MTMR3: variants seen among roughly 807,000 people sequenced by gnomAD.
MTMR3 encodes the protein myotubularin related protein 3, also known as phosphatidylinositol-3,5-bisphosphate 3-phosphatase MTMR3.
MTMR3 carries 32 observed loss-of-function variants against 132.4 expected under a neutral mutation model. The ratio of observed to expected loss-of-function variants is 0.24; its 90% confidence interval spans 0.18 to 0.32. The LOEUF (loss-of-function observed/expected upper bound fraction) is 0.32, where lower values mean the gene tolerates loss of function less well. MTMR3 is among the 10% of genes least tolerant of loss of function. The pLI, the probability that MTMR3 is intolerant of heterozygous loss-of-function variation, is 1.00. For synonymous variants in MTMR3, 556 were observed against 550.3 expected (o/e 1.01, Z -0.14); for missense variants, 1,216 against 1,489.6 (o/e 0.82, Z 3.02).
At chr22:29,949,126 CACACA>C (rs2066010087) in intron 1 of MTMR3, among the ~76,000 whole-genome samples, 1 of 40,134 alleles carries the variant, frequency 2.5e-5, no homozygotes, top group African/African-American at 1.2e-4. Context: ...CACACACACA[CACACA>C]CACACACACA....
rs921938936 is a variant in MTMR3, at chr22:29,949,141, A to C, written c.-137-7895A>C. The stretch of plus-strand genomic sequence containing the variant: ...CACACACACACACACACACACACAC[A>C]CACCCCCCCCCCCCCCCCCGAGGCC... On this transcript the variant is annotated intron_variant, in intron 1 of 19. Transcript: ENST00000401950. 2.4e-3 allele frequency among the ~76,000 whole-genome samples: 42 copies of C among 17,404 alleles called. 2 individuals carry two copies. Among genetic ancestry groups the C allele is most frequent in the African/African-American group, 0.011 (34 of 3,108 alleles). 11.4% of individuals were successfully genotyped at this position (17,404 alleles called of 152,430 possible).
intron 1 of MTMR3, among the ~76,000 whole-genome samples, chr22:29,905,746 G>C (rs768176675): frequency 3.3e-5 from 5 of 152,070 alleles, no homozygotes; most frequent in Non-Finnish European, 7.4e-5. Context: ...TTTTGAACTT[G>C]CATCTTTTAT....
Position 30,013,453 on chromosome 22 carries a change from G to A in MTMR3, c.1415G>A (p.Arg472His), listed in dbSNP as rs1463120267. ...GAGAACTCGGATGATCTGAATGAAC[G>A]TTGCCCAGTGTTTCTGCAGTGGCTT... ...HGENSDDLNE[R>H]CPVFLQWLDC... The change falls in exon 14 of 20, where the codon CGT (arginine) becomes CAT (histidine). Residue 472 changes from arginine to histidine, a missense_variant. Physicochemically the swap from Arg to His is conservative, Grantham distance 29. Around this residue, in one of 7 missense-constraint regions of MTMR3, gnomAD observed 106 missense variants for 209.5 expected, o/e 0.51. Coordinates refer to ENST00000401950, the MANE Select transcript of MTMR3 (RefSeq NM_021090.4). The A allele has an allele frequency of 6.2e-7, 1 of 1,613,990 alleles. No homozygotes were observed. The highest frequency in any genetic ancestry group is 1.7e-5 in the Admixed American group (1 of 60,008).
chr22:30,002,769 C>A, intron 8 of MTMR3, 111 bp from the exon 9 acceptor site: 1 of 765,858 alleles, frequency 1.3e-6, no homozygotes, highest in Admixed American at 2.5e-5. Flanking sequence ...GGTTCTGTGG[C>A]AGTGAGATCA....
intron 18 of MTMR3, chr22:30,022,394 T>TC: frequency 1.6e-6 from 1 of 612,918 alleles, no homozygotes; most frequent in Non-Finnish European, 2.9e-6. Context: ...TGACCCAGGG[T>TC]GCTGCTGCCT....
chr22:30,004,663 G>A (rs1262043669), intron 9 of MTMR3: 5 of 152,154 alleles, frequency 3.3e-5, no homozygotes, highest in African/African-American at 7.2e-5. Context: ...TGCAAAATCA[G>A]GCAGGTTTCC....
At position 29,957,723 on chromosome 22, in the gene MTMR3, A is replaced by G. The variant is rs1602564528; in HGVS notation, c.-85+635A>G. On this transcript the variant is annotated intron_variant, in intron 2 of 19. Transcript: ENST00000401950. ...TTGTTTTGAGTTTTCTTAAATTGGT[A>G]TATATCTATATGAAAAATAAGACCT... is the stretch of plus-strand genomic sequence containing the variant. Among the ~76,000 whole-genome samples, 3 of 152,082 alleles carry G rather than the reference A, an allele frequency of 2.0e-5. No homozygotes were observed. In the East Asian group the frequency reaches 5.8e-4, roughly 29 times the overall value.
intron 2 of MTMR3, among the ~76,000 whole-genome samples, chr22:29,960,683 G>A (rs2066293915): frequency 1.3e-5 from 2 of 152,144 alleles, no homozygotes; most frequent in South Asian, 2.1e-4. Context: ...TGCAATGATT[G>A]TTCTCCTTGT....
intron 1 of MTMR3, among the ~76,000 whole-genome samples, chr22:29,951,778 CT>C (rs1393549499): frequency 6.6e-6 from 1 of 151,898 alleles, no homozygotes; most frequent in African/African-American, 2.4e-5. Context: ...TAGTTACATA[CT>C]TACACATGAT....
chr22:29,905,715 T>G (rs2065080902), intron 1 of MTMR3, among the ~76,000 whole-genome samples: 1 of 152,220 alleles, frequency 6.6e-6, no homozygotes, highest in South Asian at 2.1e-4. Context: ...TGTGGAATTA[T>G]GTATTTTATG....
At chr22:29,912,295 A>G (rs1182133043) in intron 1 of MTMR3, among the ~76,000 whole-genome samples, 1 of 152,182 alleles carries the variant, frequency 6.6e-6, no homozygotes, top group Non-Finnish European at 1.5e-5. Flanking sequence ...TGAATGAATG[A>G]ATGAAGAAAT....
intron 2 of MTMR3, among the ~76,000 whole-genome samples, chr22:29,969,587 A>G (rs1419104190): frequency 6.6e-6 from 1 of 151,798 alleles, no homozygotes; most frequent in Non-Finnish European, 1.5e-5. Flanking sequence ...TGGATGTGCA[A>G]TGGCGTGATC....
intron 1 of MTMR3, among the ~76,000 whole-genome samples, chr22:29,952,778 G>C (rs1276486813): frequency 2.0e-5 from 3 of 152,158 alleles, no homozygotes; most frequent in Non-Finnish European, 2.9e-5. Context: ...GAAAATTTGA[G>C]CAGGGAGTAA....
chr22:29,924,697 G>A (rs1360073854), intron 1 of MTMR3, among the ~76,000 whole-genome samples: 1 of 152,100 alleles, frequency 6.6e-6, no homozygotes, highest in Non-Finnish European at 1.5e-5. Context: ...ATGAACACAT[G>A]ATATTTTTTC....
At chr22:29,991,077 A>G (rs1677835063) in intron 6 of MTMR3, 1 of 153,166 alleles carries the variant, frequency 6.5e-6, no homozygotes, top group Non-Finnish European at 1.5e-5. Flanking sequence ...CTGGCTAAAA[A>G]TAATGCTGTT....
Position 29,885,484 on chromosome 22 carries a change from A to C in MTMR3, c.-138+2125A>C, listed in dbSNP as rs191843677. Among the ~76,000 whole-genome samples, 310 of 152,350 alleles carry C rather than the reference A, an allele frequency of 2.0e-3. 1 individual carries two copies. Among genetic ancestry groups the C allele is most frequent in the African/African-American group, 7.2e-3 (299 of 41,580 alleles). Reference sequence around the variant, plus strand: ...CAAGTTATTAGGAACACACTTGATAAAATTAGATGCTGATTAATTGGAGAT... The same window carrying C: ...CAAGTTATTAGGAACACACTTGATACAATTAGATGCTGATTAATTGGAGAT... On this transcript the variant is annotated intron_variant, in intron 1 of 19. Transcript: ENST00000401950.
chr22:29,903,304 A>G (rs1312015747), intron 1 of MTMR3, among the ~76,000 whole-genome samples: 1 of 151,920 alleles, frequency 6.6e-6, no homozygotes. Context: ...TCCAGTTCCA[A>G]CCCTGAGTCA....
chr22:29,927,377 A>T (rs1463644779), intron 1 of MTMR3, among the ~76,000 whole-genome samples: 2 of 152,124 alleles, frequency 1.3e-5, no homozygotes, highest in African/African-American at 4.8e-5. Flanking sequence ...CAGCTTGTTG[A>T]TGTATGCAAA....
rs573298033 is a variant in MTMR3 at position 30,012,616 on chromosome 22, G to A, written c.1317+53G>A. 355 of 1,499,138 alleles carry A rather than the reference G, an allele frequency of 2.4e-4. 5 individuals carry two copies. In the South Asian group the frequency reaches 4.4e-3, roughly 19 times the overall value. The allele number at this position is 1,499,138 out of a possible 1,614,324, so 92.9% of individuals were successfully genotyped here. ...GTACTTCAGGATGAGCCAGGGAAAC[G>A]TCTCAGGAGTGATACCAGTTTTGGG... On this transcript the variant is annotated intron_variant, in intron 13 of 19. Coordinates refer to ENST00000401950, the MANE Select transcript of MTMR3 (RefSeq NM_021090.4).
Sources: gnomAD v4.1 joint callset for allele counts (sites outside exome capture counted in the v4.1 genomes callset) on GRCh38, gnomAD v4.1.1 for gene constraint, gnomAD v4.1.1 regional missense constraint, MANE v1.5 for transcripts, NCBI Gene and HGNC (gene_info 2026-07-23, HGNC 2026-07-21) for gene names.